Variants in EPHA6 observed in about 807,000 individuals in gnomAD.
EPHA6 encodes the protein ephrin type-A receptor 6.
EPHA6 carries 50 observed loss-of-function variants against 112.0 expected under a neutral mutation model. The observed-to-expected ratio is 0.45, with a 90% CI of 0.36 to 0.56. The LOEUF (loss-of-function observed/expected upper bound fraction) is 0.56, where lower values mean the gene tolerates loss of function less well. Among genes scored for constraint, EPHA6 ranks in the 20% least tolerant of loss-of-function variants. EPHA6 has a pLI of 0.00. For missense variants in EPHA6, 1,280 were observed against 1,417.4 expected (o/e 0.90, Z 1.56); for synonymous variants, 529 against 490.7 (o/e 1.08, Z -1.03).
intron 5 of EPHA6, among the ~76,000 whole-genome samples, chr3:97,278,350 G>C (rs2080168690): frequency 3.3e-5 from 5 of 152,188 alleles, no homozygotes; most frequent in Admixed American, 3.3e-4. Flanking sequence ...CCCAAATGCT[G>C]ATCTTTTCAT....
At chr3:96,973,527 A>G (rs2042395851) in intron 2 of EPHA6, among the ~76,000 whole-genome samples, 1 of 152,078 alleles carries the variant, frequency 6.6e-6, no homozygotes, top group Non-Finnish European at 1.5e-5. Context: ...TGTACTATTA[A>G]GAATCTCTAT....
At chr3:97,290,105 C>A (rs2080622793) in intron 5 of EPHA6, among the ~76,000 whole-genome samples, 1 of 152,062 alleles carries the variant, frequency 6.6e-6, no homozygotes, top group Admixed American at 6.5e-5. Context: ...TGCAAACTTT[C>A]TCCTTAACAA....
At chr3:97,472,548 T>G (rs2091257841) in intron 7 of EPHA6, among the ~76,000 whole-genome samples, 1 of 151,736 alleles carries the variant, frequency 6.6e-6, no homozygotes, top group South Asian at 2.1e-4. Flanking sequence ...CCTTGTAGTT[T>G]ATCCTGAGAT....
chr3:97,747,640 T>C, intron 17 of EPHA6, 68 bp downstream of exon 17: 1 of 1,363,854 alleles, frequency 7.3e-7, no homozygotes, highest in African/African-American at 1.5e-5. Context: ...AAATGCTGTA[T>C]CAAGAACACC....
At chr3:97,299,438 A>C (rs1247749228) in intron 5 of EPHA6, among the ~76,000 whole-genome samples, 1 of 152,198 alleles carries the variant, frequency 6.6e-6, no homozygotes, top group Non-Finnish European at 1.5e-5. Flanking sequence ...AAACTGGCCC[A>C]AAAGGAAATA....
At chr3:97,146,037 A>G (rs2076037632) in intron 3 of EPHA6, among the ~76,000 whole-genome samples, 1 of 151,800 alleles carries the variant, frequency 6.6e-6, no homozygotes, top group African/African-American at 2.4e-5. Context: ...ATTTGAAACT[A>G]AATGACTACC....
chr3:97,557,460 T>C (rs2093127711), intron 11 of EPHA6, among the ~76,000 whole-genome samples: 1 of 151,986 alleles, frequency 6.6e-6, no homozygotes, highest in African/African-American at 2.4e-5. Flanking sequence ...GAACCTATTA[T>C]TAACCAGGGA....
chr3:97,687,149 C>T (rs935582037), intron 14 of EPHA6, among the ~76,000 whole-genome samples: 3 of 152,132 alleles, frequency 2.0e-5, no homozygotes, highest in East Asian at 3.9e-4. Flanking sequence ...GCATGATAGC[C>T]TATCTTCATT....
chr3:97,301,008 G>C (rs79682736), intron 5 of EPHA6, among the ~76,000 whole-genome samples: 2,102 of 152,132 alleles, frequency 0.014, 48 homozygotes, highest in African/African-American at 0.047. Context: ...CAGCCATCCT[G>C]ATCAATGCCC....
chr3:97,442,857 T>C (rs1332662025), intron 6 of EPHA6, among the ~76,000 whole-genome samples: 3 of 152,162 alleles, frequency 2.0e-5, no homozygotes, highest in African/African-American at 7.2e-5. Flanking sequence ...TGGAAAGTAA[T>C]TGTTAAAGGC....
rs1559772588 is a variant in EPHA6, at chr3:97,172,192, T to G, written c.1115-54072T>G. On this transcript the variant is annotated intron_variant, in intron 3 of 17. Transcript: ENST00000389672. ...TTAAAAGAGTGTATAGTGACCTAAA[T>G]GGGATTAGGATCAAGAGATGTGAAA... is the stretch of plus-strand genomic sequence containing the variant. Among the ~76,000 whole-genome samples the G allele has an allele frequency of 2.0e-5, 3 of 152,046 alleles. No homozygotes were observed. The South Asian group carries it at 6.2e-4, about 31-fold the overall frequency.
At chr3:96,895,720 A>G (rs566502347) in intron 2 of EPHA6, among the ~76,000 whole-genome samples, 1 of 152,180 alleles carries the variant, frequency 6.6e-6, no homozygotes, top group Non-Finnish European at 1.5e-5. Flanking sequence ...TTGTGTTACA[A>G]TAGCCCAGAG....
intron 11 of EPHA6, among the ~76,000 whole-genome samples, chr3:97,562,577 T>G (rs1460321735): frequency 6.6e-6 from 1 of 152,178 alleles, no homozygotes; most frequent in African/African-American, 2.4e-5. Flanking sequence ...TTCTTGAGGA[T>G]GAAATCTACT....
chr3:97,086,487 A>G (rs1041324858), intron 3 of EPHA6, among the ~76,000 whole-genome samples: 10 of 152,096 alleles, frequency 6.6e-5, no homozygotes, highest in African/African-American at 2.4e-4. Context: ...TAAGTTTTTA[A>G]TAAGTTTTAC....
chr3:97,202,429 A>AC (rs1319017653), intron 3 of EPHA6, among the ~76,000 whole-genome samples: 7 of 151,638 alleles, frequency 4.6e-5, no homozygotes, highest in Non-Finnish European at 1.0e-4. Context: ...GCTCACTGCA[A>AC]CCCCTACTTC....
At chr3:96,924,961 A>G (rs1380169288) in intron 2 of EPHA6, among the ~76,000 whole-genome samples, 1 of 152,096 alleles carries the variant, frequency 6.6e-6, no homozygotes, top group Non-Finnish European at 1.5e-5. Flanking sequence ...ACTGATTTGC[A>G]TATGTTGAAA....
chr3:97,501,844 C>G (rs1406992491), intron 10 of EPHA6, among the ~76,000 whole-genome samples: 1 of 151,908 alleles, frequency 6.6e-6, no homozygotes, highest in African/African-American at 2.4e-5. Context: ...AGATCAAAAA[C>G]AGTAAATGGT....
At chr3:97,537,050 G>A (rs1235434638) in intron 11 of EPHA6, among the ~76,000 whole-genome samples, 1 of 151,920 alleles carries the variant, frequency 6.6e-6, no homozygotes, top group East Asian at 1.9e-4. Flanking sequence ...GCATATTGAT[G>A]ACCCAATAAG....
intron 2 of EPHA6, among the ~76,000 whole-genome samples, chr3:96,976,828 T>G (rs1255978339): frequency 6.6e-6 from 1 of 152,212 alleles, no homozygotes; most frequent in Non-Finnish European, 1.5e-5. Context: ...CTTGCTCAAA[T>G]GGCCTTAAGT....
Sources: gnomAD v4.1 joint callset for allele counts (sites outside exome capture counted in the v4.1 genomes callset) on GRCh38, gnomAD v4.1.1 for gene constraint, MANE v1.5 for transcripts, NCBI Gene and HGNC (gene_info 2026-07-23, HGNC 2026-07-21) for gene names.